MORC4: variants seen among roughly 807,000 people sequenced by gnomAD.
MORC4 encodes MORC family CW-type zinc finger protein 4.
A neutral mutation model predicts 65.5 loss-of-function variants in MORC4; 22 were observed. That is an observed-to-expected ratio of 0.34 (90% CI 0.24 to 0.48). The LOEUF (loss-of-function observed/expected upper bound fraction) is 0.48, where lower values mean the gene tolerates loss of function less well. Ranked by LOEUF, MORC4 falls within the 20% of genes least tolerant of loss-of-function variation. MORC4 has a pLI of 0.99. For synonymous variants in MORC4, 267 were observed against 255.8 expected (o/e 1.04, Z -0.42); for missense variants, 624 against 703.0 (o/e 0.89, Z 1.27).
intron 14 of MORC4, among the ~76,000 whole-genome samples, chrX:106,948,985 T>C (rs933558436): frequency 1.8e-5 from 2 of 111,824 alleles, no homozygotes; most frequent in Non-Finnish European, 3.8e-5. Flanking sequence ...TTAGCCATGA[T>C]TTCTTGAAAT....
At chrX:106,952,786 T>C (rs1309238434) in intron 14 of MORC4, among the ~76,000 whole-genome samples, 1 of 111,936 alleles carries the variant, frequency 8.9e-6, no homozygotes, top group Non-Finnish European at 1.9e-5. Flanking sequence ...CCTTATCAGC[T>C]TCCTATGCTG....
chrX:106,989,864 T>C (rs1173524287), intron 3 of MORC4, among the ~76,000 whole-genome samples: 4 of 65,678 alleles, frequency 6.1e-5, no homozygotes, highest in East Asian at 4.1e-4. Flanking sequence ...TGAAACTCCA[T>C]CCAAAAAAAA....
chrX:106,965,103 C>T (rs947350792), intron 9 of MORC4, among the ~76,000 whole-genome samples: 1 of 111,472 alleles, frequency 9.0e-6, no homozygotes, highest in Admixed American at 9.5e-5. Context: ...TTGTTTTCTA[C>T]GCAATTTAAA....
intron 9 of MORC4, among the ~76,000 whole-genome samples, chrX:106,967,332 A>C (rs1934400125): frequency 8.9e-6 from 1 of 112,106 alleles, no homozygotes. Flanking sequence ...CAAAGACCAA[A>C]GGTAGATAAA....
Position 106,942,656 on chromosome X carries a change from A to G in MORC4, c.2235T>C (p.Ile745=), listed in dbSNP as rs1201198106. ...CCTCATAGCCTCTTGCTTTCTCCCC[A>G]ATGGCTGCAGCAGGGATTGCAGCAG... The part of the protein sequence containing the change: ...VASAAIPAAA[I]GEKARGYEES... The change falls in exon 15 of 17, where the codon ATT becomes ATC. Residue 745 remains isoleucine (I), a synonymous_variant. Transcript: ENST00000355610. 1 of 1,211,148 alleles carries G rather than the reference A, an allele frequency of 8.3e-7. No individual in the cohort carries two copies. Among genetic ancestry groups the G allele is most frequent in the South Asian group, 1.8e-5 (1 of 56,948 alleles).
chrX:106,954,515 C>T (rs1435344223), intron 14 of MORC4, among the ~76,000 whole-genome samples: 1 of 111,979 alleles, frequency 8.9e-6, no homozygotes. Context: ...ATGTGCTAGG[C>T]CTATGAGGCC....
intron 9 of MORC4, among the ~76,000 whole-genome samples, chrX:106,973,977 T>C (rs2147817690): frequency 8.9e-6 from 1 of 112,090 alleles, no homozygotes; most frequent in East Asian, 2.8e-4. Context: ...AGTTATGTGG[T>C]AATTTGTTAT....
chrX:106,980,374 C>T (rs1041319169), intron 7 of MORC4, among the ~76,000 whole-genome samples: 1 of 111,043 alleles, frequency 9.0e-6, no homozygotes. Flanking sequence ...TAGAAAATCA[C>T]CTTTTAATTT....
chrX:106,958,196 T>C, intron 11 of MORC4, 140 bp downstream of exon 11: 2 of 508,689 alleles, frequency 3.9e-6, no homozygotes, highest in South Asian at 4.3e-5. Flanking sequence ...AATGTAAGGC[T>C]AGATAGGTAA....
At position 106,956,920 on chromosome X, in the gene MORC4, C is replaced by T. The variant is rs199894786; in HGVS notation, c.1454+16G>A. On this transcript the variant is annotated intron_variant, in intron 12 of 16. Transcript: ENST00000355610. ...TCTACCCTATGGTAGAGAACCCCAT[C>T]TCATGTATACTCAACTGTTTCTTAG... The T allele has an allele frequency of 3.5e-6, 4 of 1,150,186 alleles. No individual in the cohort carries two copies. The highest frequency in any genetic ancestry group is 4.7e-6 in the Non-Finnish European group (4 of 844,527). The allele number at this position is 1,150,186 out of a possible 1,213,427, so 94.8% of individuals were successfully genotyped here.
rs1005364566 is a variant in MORC4 at position 106,999,546 on chromosome X, G to T, written c.175+131C>A. 1.0e-5 allele frequency: 5 copies of T among 494,812 alleles called. No individual in the cohort carries two copies. In the African/African-American group the frequency reaches 1.0e-4, roughly 10 times the overall value. 40.8% of individuals were successfully genotyped at this position (494,812 alleles called of 1,213,427 possible). ...CCCCCTCCTCCGCCTGCGGAGCCGG[G>T]GCCGGTTCCGAGGCCCCCACCCCAG... On this transcript the variant is annotated intron_variant, in intron 2 of 16. Transcript: ENST00000355610.
At chrX:106,992,171 A>G (rs1388989707) in intron 3 of MORC4, among the ~76,000 whole-genome samples, 1 of 112,257 alleles carries the variant, frequency 8.9e-6, no homozygotes, top group East Asian at 2.8e-4. Flanking sequence ...GACACAAGGT[A>G]TACAGACTGC....
chrX:106,957,889 T>C (rs905662650), intron 11 of MORC4, among the ~76,000 whole-genome samples: 33 of 112,145 alleles, frequency 2.9e-4, no homozygotes, highest in Non-Finnish European at 6.0e-4. Flanking sequence ...CAAAGATACA[T>C]ATGTGAAAAA....
At position 106,942,543 on chromosome X, in the gene MORC4, A is replaced by G; in HGVS notation, c.2348T>C (p.Leu783Ser). ...TTGCTGGAACAAATTCCTTTCAGCC[A>G]AAACACGTTCCAATTTTTCTGTGGT... ...KRTTEKLERV[L>S]AERNLFQQKV... The change falls in exon 15 of 17, where the codon TTG becomes TCG. Residue 783 changes from leucine to serine, a missense_variant. Coordinates refer to ENST00000355610, the MANE Select transcript of MORC4 (RefSeq NM_024657.5). The G allele has an allele frequency of 8.3e-7, 1 of 1,211,071 alleles. No individual in the cohort carries two copies.
intron 14 of MORC4, among the ~76,000 whole-genome samples, chrX:106,951,225 T>C (rs1350977516): frequency 8.9e-6 from 1 of 111,972 alleles, no homozygotes; most frequent in Non-Finnish European, 1.9e-5. Flanking sequence ...TCTACTTCTC[T>C]CCCTCCACTG....
At chrX:106,972,031 T>C (rs1277192961) in intron 9 of MORC4, among the ~76,000 whole-genome samples, 20 of 112,262 alleles carry the variant, frequency 1.8e-4, no homozygotes, top group African/African-American at 5.8e-4. Flanking sequence ...ATGTTTATTG[T>C]GGCACTATTC....
At chrX:106,962,567 T>C in intron 9 of MORC4, among the ~76,000 whole-genome samples, 1 of 111,987 alleles carries the variant, frequency 8.9e-6, no homozygotes, top group Admixed American at 9.5e-5. Context: ...CTATCTATTA[T>C]AAATCAATCA....
chrX:106,951,926 G>A (rs183007430), intron 14 of MORC4, among the ~76,000 whole-genome samples: 1,354 of 100,575 alleles, frequency 0.013, 11 homozygotes, highest in Non-Finnish European at 0.02. Context: ...AACTCGGGAG[G>A]TGGAGGTTGC....
chrX:106,951,653 G>A (rs982953119), intron 14 of MORC4, among the ~76,000 whole-genome samples: 2 of 111,254 alleles, frequency 1.8e-5, no homozygotes, highest in African/African-American at 6.5e-5. Flanking sequence ...AGAGGCGTGA[G>A]GTACTGCACC....
Sources: gnomAD v4.1 joint callset for allele counts (sites outside exome capture counted in the v4.1 genomes callset) on GRCh38, gnomAD v4.1.1 for gene constraint, MANE v1.5 for transcripts, NCBI Gene and HGNC (gene_info 2026-07-23, HGNC 2026-07-21) for gene names.